TMEM26: variants seen among roughly 807,000 people sequenced by gnomAD.
TMEM26 encodes the protein transmembrane protein 26.
A neutral mutation model predicts 28.8 loss-of-function variants in TMEM26; 38 were observed. That is an observed-to-expected ratio of 1.32 (90% CI 1.02 to 1.73). The LOEUF (loss-of-function observed/expected upper bound fraction) is 1.73, where lower values mean the gene tolerates loss of function less well. TMEM26 is among the 40% of genes most tolerant of loss of function. The pLI is 0.00. For missense variants in TMEM26, 518 were observed against 447.1 expected (o/e 1.16, Z -1.43); for synonymous variants, 227 against 182.9 (o/e 1.24, Z -1.95).
intron 2 of TMEM26, among the ~76,000 whole-genome samples, chr10:61,432,295 C>T (rs1441263189): frequency 2.0e-5 from 3 of 151,998 alleles, no homozygotes; most frequent in East Asian, 3.8e-4. Context: ...GTGTAAAAGC[C>T]AATTTAGGTC....
At position 61,416,217 on chromosome 10, in the gene TMEM26, C is replaced by A. The variant is rs966286772; in HGVS notation, c.606-2682G>T. 4.3e-5 allele frequency: 17 copies of A among 394,770 alleles called. No homozygotes were observed. In the Admixed American group the frequency reaches 4.8e-4, roughly 11 times the overall value. 24.5% of individuals were successfully genotyped at this position (394,770 alleles called of 1,614,324 possible). A position where few individuals can be genotyped will look rare whatever the true frequency, so the allele number is the denominator to read the frequency against. Reference sequence around the variant, plus strand: ...AGATCTTTTGAAGTTTCATCTAATCCCAAACTTCAATAATTCTACCAAAAA... The same window carrying A: ...AGATCTTTTGAAGTTTCATCTAATCACAAACTTCAATAATTCTACCAAAAA... On this transcript the variant is annotated intron_variant, in intron 4 of 5. Coordinates refer to ENST00000399298, the MANE Select transcript of TMEM26 (RefSeq NM_178505.8).
chr10:61,447,120 T>G (rs992966859), intron 1 of TMEM26, among the ~76,000 whole-genome samples: 1 of 152,190 alleles, frequency 6.6e-6, no homozygotes, highest in Non-Finnish European at 1.5e-5. Flanking sequence ...TGGGAGAATT[T>G]CCAGTGCCCA....
Position 61,428,953 on chromosome 10 carries a change from C to G in TMEM26, c.578G>C (p.Ser193Thr). The G allele has an allele frequency of 1.2e-6, 2 of 1,613,100 alleles. No individual in the cohort carries two copies. Among genetic ancestry groups the G allele is most frequent in the Non-Finnish European group, 1.7e-6 (2 of 1,179,352 alleles). ...GTAADILEFT[S>T]ETLEEQNVRN... Reference sequence around the variant, plus strand: ...CACATTTTGTTCTTCTAGGGTCTCACTTGTGAATTCCAGTATGTCAGCCGC... The same window carrying G: ...CACATTTTGTTCTTCTAGGGTCTCAGTTGTGAATTCCAGTATGTCAGCCGC... The change falls in exon 4 of 6, where the codon AGT becomes ACT. Residue 193 changes from serine to threonine, a missense_variant. Physicochemically the swap from Ser to Thr is moderately conservative, Grantham distance 58. Transcript: ENST00000399298.
chr10:61,411,143 A>G (rs1839563533), intron 5 of TMEM26, among the ~76,000 whole-genome samples: 1 of 152,174 alleles, frequency 6.6e-6, no homozygotes, highest in Non-Finnish European at 1.5e-5. Context: ...GAAGCCTCAC[A>G]GTTGCATGCT....
At chr10:61,418,849 T>C (rs1839697282) in intron 4 of TMEM26, among the ~76,000 whole-genome samples, 1 of 152,054 alleles carries the variant, frequency 6.6e-6, no homozygotes, top group Non-Finnish European at 1.5e-5. Context: ...TGCAGGCATG[T>C]TCAGGGAAGG....
intron 1 of TMEM26, among the ~76,000 whole-genome samples, chr10:61,450,697 AT>A (rs2135341908): frequency 6.6e-6 from 1 of 151,782 alleles, no homozygotes; most frequent in Admixed American, 6.6e-5. Flanking sequence ...TGCCAGCAAG[AT>A]TTTCCTTGAA....
At chr10:61,436,963 C>T (rs1453299118) in intron 1 of TMEM26, among the ~76,000 whole-genome samples, 1 of 152,188 alleles carries the variant, frequency 6.6e-6, no homozygotes, top group Non-Finnish European at 1.5e-5. Flanking sequence ...GTTTCTTAAT[C>T]CACAAAAACG....
chr10:61,413,879 A>T (rs1022975004), intron 4 of TMEM26: 15 of 995,104 alleles, frequency 1.5e-5, no homozygotes, highest in Non-Finnish European at 1.7e-5. Flanking sequence ...CAAATGGCTG[A>T]TTTCAAGGAA....
chr10:61,453,054 G>T lies in TMEM26; in HGVS notation c.28C>A (p.Leu10Met). ...AGCAGGAACAGCAACCGAGTGGCCAGGGCGTTAAGGAAGACCAGTCCCTCC... is the reference window on the plus strand; with the variant it reads ...AGCAGGAACAGCAACCGAGTGGCCATGGCGTTAAGGAAGACCAGTCCCTCC... The part of the protein sequence containing the change: MEGLVFLNA[L>M]ATRLLFLLHS... The change falls in exon 1 of 6, where the codon CTG (leucine) becomes ATG (methionine). Residue 10 changes from leucine (L) to methionine (M), a missense_variant. Physicochemically the swap from Leu to Met is conservative, Grantham distance 15. Transcript: ENST00000399298. 6.2e-7 allele frequency: 1 copy of T among 1,613,576 alleles called. No homozygotes were observed. Among genetic ancestry groups the T allele is most frequent in the Non-Finnish European group, 8.5e-7 (1 of 1,180,008 alleles).
chr10:61,432,258 C>G (rs1839934573), intron 2 of TMEM26, among the ~76,000 whole-genome samples: 1 of 152,038 alleles, frequency 6.6e-6, no homozygotes, highest in Admixed American at 6.6e-5. Flanking sequence ...ATCATGTTCA[C>G]CCACCAAAAC....
intron 1 of TMEM26, among the ~76,000 whole-genome samples, chr10:61,442,278 A>G (rs928138348): frequency 6.6e-6 from 1 of 152,166 alleles, no homozygotes; most frequent in Admixed American, 6.5e-5. Flanking sequence ...TTGACTCACC[A>G]TTAGTCTAGA....
intron 1 of TMEM26, among the ~76,000 whole-genome samples, chr10:61,443,763 C>A (rs893721066): frequency 6.6e-6 from 1 of 151,972 alleles, no homozygotes; most frequent in Non-Finnish European, 1.5e-5. Context: ...AAAATTAGTA[C>A]CCCATATACC....
intron 1 of TMEM26, among the ~76,000 whole-genome samples, chr10:61,444,199 T>G (rs1447514006): frequency 6.6e-6 from 1 of 152,250 alleles, no homozygotes; most frequent in Non-Finnish European, 1.5e-5. Context: ...TCTCTAAATG[T>G]CATTTTATAC....
rs747665130 is a variant in TMEM26, at chr10:61,410,444, G to A, written c.985C>T (p.Arg329Trp). The A allele has an allele frequency of 3.5e-5, 57 of 1,613,926 alleles. No homozygotes were observed. The highest frequency in any genetic ancestry group is 4.4e-5 in the Non-Finnish European group (52 of 1,180,010). ...GGCCCACTCTCAGAGGTCTGTGCCC[G>A]GCAACCATGTTCTCCTTTCAGGCCT... Reference protein sequence around the residue: ...SEGLKGEHGCRAQTSESGPSQ... With the variant: ...SEGLKGEHGCWAQTSESGPSQ... Residue 329 changes from arginine (R) to tryptophan (W), a missense_variant, in exon 6 of 6, where the codon CGG (arginine) becomes TGG (tryptophan). Physicochemically the swap from Arg to Trp is moderately radical, Grantham distance 101. Coordinates refer to ENST00000399298, the MANE Select transcript of TMEM26 (RefSeq NM_178505.8).
chr10:61,410,118 C>T lies in TMEM26; in HGVS notation c.*204G>A, dbSNP rs146269351. The T allele has an allele frequency of 6.7e-5, 40 of 593,680 alleles. No homozygotes were observed. The highest frequency in any genetic ancestry group is 6.3e-4 in the African/African-American group (34 of 53,932). The allele number at this position is 593,680 out of a possible 1,614,324, so 36.8% of individuals were successfully genotyped here. A position where few individuals can be genotyped will look rare whatever the true frequency, so the allele number is the denominator to read the frequency against. On this transcript the variant is annotated 3_prime_UTR_variant, in exon 6 of 6. Transcript: ENST00000399298. ...ACAACTATAACATCTGATACCATCA[C>T]ACAGAAGTTGTAGCAATAGTCACTA...
At chr10:61,430,469 G>A (rs10994761) in intron 3 of TMEM26, among the ~76,000 whole-genome samples, 3,817 of 150,218 alleles carry the variant, frequency 0.025, 164 homozygotes, top group African/African-American at 0.088. Context: ...TCAATAAGAC[G>A]AGAAAATAAA....
chr10:61,421,812 G>A (rs1363978606), intron 4 of TMEM26, among the ~76,000 whole-genome samples: 2 of 152,054 alleles, frequency 1.3e-5, no homozygotes, highest in African/African-American at 2.4e-5. Flanking sequence ...CATGTTTGTG[G>A]TATTTTGCTA....
chr10:61,436,585 G>A (rs1179833896), intron 1 of TMEM26, among the ~76,000 whole-genome samples: 2 of 152,142 alleles, frequency 1.3e-5, no homozygotes, highest in African/African-American at 4.8e-5. Context: ...TATTTAATAT[G>A]TTTTACGAAA....
At chr10:61,440,304 C>T (rs1840071051) in intron 1 of TMEM26, among the ~76,000 whole-genome samples, 1 of 152,080 alleles carries the variant, frequency 6.6e-6, no homozygotes, top group Admixed American at 6.6e-5. Flanking sequence ...ATCAAGGGCC[C>T]TTCTTGTACT....
Sources: gnomAD v4.1 joint callset for allele counts (sites outside exome capture counted in the v4.1 genomes callset) on GRCh38, gnomAD v4.1.1 for gene constraint, MANE v1.5 for transcripts, NCBI Gene and HGNC (gene_info 2026-07-23, HGNC 2026-07-21) for gene names.